Variants in LRRC70 observed in about 807,000 individuals in gnomAD.
LRRC70 encodes leucine rich repeat containing 70.
In LRRC70, 31 loss-of-function variants were observed where a neutral mutation model predicts 42.4. That is an observed-to-expected ratio of 0.73 (90% CI 0.55 to 0.99). LRRC70 has a LOEUF of 0.99. Ranked by LOEUF, LRRC70 falls within the 50% of genes least tolerant of loss-of-function variation. The pLI, the probability that LRRC70 is intolerant of heterozygous loss-of-function variation, is 0.00. For missense variants in LRRC70, 643 were observed against 707.5 expected (o/e 0.91, Z 1.03); for synonymous variants, 270 against 262.9 (o/e 1.03, Z -0.26).
Position 62,580,049 on chromosome 5 carries a change from A to C in LRRC70, c.611A>C (p.Glu204Ala). The change falls in exon 2 of 2, where the codon GAA (glutamate) becomes GCA (alanine). Residue 204 changes from glutamate to alanine, a missense_variant. Transcript: ENST00000334994. ...RISESGFQHL[E>A]NLACLYLGSN... is the part of the protein sequence containing the mutation. ...TCAGAATCAGGCTTTCAACATCTTG[A>C]AAACCTTGCTTGTTTGTATTTAGGA... is the stretch of plus-strand genomic sequence containing the variant. The C allele has an allele frequency of 1.3e-6, 2 of 1,551,236 alleles. No homozygotes were observed. Among genetic ancestry groups the C allele is most frequent in the Non-Finnish European group, 1.7e-6 (2 of 1,146,726 alleles).
In LRRC70 at chr5:62,580,935, C is replaced by T. The variant is rs1174231181; in HGVS notation, c.1497C>T (p.Asn499=). ...CTGTTACCTTGAACTTGGAAAAAAA[C>T]AGTGCTCTACCGAATGATGCTGCTT... ...TTSVTLNLEK[N]SALPNDAASM... The change falls in exon 2 of 2, where the codon AAC becomes AAT. Residue 499 remains asparagine (N), a synonymous_variant. Coordinates refer to ENST00000334994, the MANE Select transcript of LRRC70 (RefSeq NM_181506.5). 6.4e-7 allele frequency: 1 copy of T among 1,551,288 alleles called. No homozygotes were observed. Among genetic ancestry groups the T allele is most frequent in the Non-Finnish European group, 8.7e-7 (1 of 1,146,802 alleles).
At position 62,580,460 on chromosome 5, in the gene LRRC70, A is replaced by G. The variant is rs1458070069; in HGVS notation, c.1022A>G (p.His341Arg). The stretch of plus-strand genomic sequence containing the variant: ...TCATTTAATAATCTTACAGCCTTGC[A>G]TCCAAGGGTCCTTAAGCCGTTGTCT... ...NLSFNNLTALHPRVLKPLSSL... is the reference protein window; with the variant it reads ...NLSFNNLTALRPRVLKPLSSL... The change falls in exon 2 of 2, where the codon CAT becomes CGT. Residue 341 changes from histidine (H) to arginine (R), a missense_variant. Coordinates refer to ENST00000334994, the MANE Select transcript of LRRC70 (RefSeq NM_181506.5). The G allele has an allele frequency of 1.3e-6, 2 of 1,551,450 alleles. No homozygotes were observed. Among genetic ancestry groups the G allele is most frequent in the Non-Finnish European group, 1.7e-6 (2 of 1,146,826 alleles).
chr5:62,580,300 T>G lies in LRRC70; in HGVS notation c.862T>G (p.Leu288Val), dbSNP rs1007159621. Reference protein sequence around the residue: ...LKHLILSHNDLENLNSDTFSL... With the variant: ...LKHLILSHNDVENLNSDTFSL... ...ACATTTGATCTTAAGTCATAATGAT[T>G]TAGAGAATTTAAATTCTGACACATT... The change falls in exon 2 of 2, where the codon TTA becomes GTA. Residue 288 changes from leucine to valine, a missense_variant. Physicochemically the swap from Leu to Val is conservative, Grantham distance 32. Coordinates refer to ENST00000334994, the MANE Select transcript of LRRC70 (RefSeq NM_181506.5). The G allele has an allele frequency of 6.5e-7, 1 of 1,538,476 alleles. No homozygotes were observed. Among genetic ancestry groups the G allele is most frequent in the Non-Finnish European group, 8.8e-7 (1 of 1,135,166 alleles).
Position 62,579,595 on chromosome 5 carries a change from A to T in LRRC70, c.157A>T (p.Ser53Cys). Residue 53 changes from serine (S) to cysteine (C), a missense_variant, in exon 2 of 2, where the codon AGT becomes TGT. Coordinates refer to ENST00000334994, the MANE Select transcript of LRRC70 (RefSeq NM_181506.5). Reference sequence around the variant, plus strand: ...TAACTGCCGTAACTTAGGCCTTTCGAGTATTCCTAAGAATTTTCCTGAAAG... The same window carrying T: ...TAACTGCCGTAACTTAGGCCTTTCGTGTATTCCTAAGAATTTTCCTGAAAG... ...QINCRNLGLS[S>C]IPKNFPESTV... is the part of the protein sequence containing the mutation. The T allele has an allele frequency of 6.4e-7, 1 of 1,551,104 alleles. No individual in the cohort carries two copies. Among genetic ancestry groups the T allele is most frequent in the African/African-American group, 1.4e-5 (1 of 73,130 alleles).
In LRRC70 at chr5:62,581,277, G is replaced by A. The variant is rs892362508; in HGVS notation, c.1839G>A (p.Gln613=). The change falls in exon 2 of 2, where the codon CAG becomes CAA. Residue 613 remains glutamine, a synonymous_variant. Coordinates refer to ENST00000334994, the MANE Select transcript of LRRC70 (RefSeq NM_181506.5). Reference sequence around the variant, plus strand: ...AAATTGTTCCTGAAAATGAGGCACAGGTCATTCTTTTTGAACATTCTGCTT... The same window carrying A: ...AAATTGTTCCTGAAAATGAGGCACAAGTCATTCTTTTTGAACATTCTGCTT... ...HKQIVPENEA[Q]VILFEHSAL is the part of the protein sequence containing the mutation. The A allele has an allele frequency of 1.3e-6, 2 of 1,529,488 alleles. No homozygotes were observed. Among genetic ancestry groups the A allele is most frequent in the Non-Finnish European group, 1.8e-6 (2 of 1,140,630 alleles). 94.7% of individuals were successfully genotyped at this position (1,529,488 alleles called of 1,614,324 possible).
Position 62,580,200 on chromosome 5 carries a change from G to A in LRRC70, c.762G>A (p.Leu254=). 6.4e-7 allele frequency: 1 copy of A among 1,550,992 alleles called. No individual in the cohort carries two copies. The highest frequency in any genetic ancestry group is 2.4e-5 in the East Asian group (1 of 40,888). ...QPFAFKGLAN[L]EYLLLKNSRI... is the part of the protein sequence containing the mutation. ...TTGCATTTAAAGGACTTGCCAATCT[G>A]GAATACCTCCTCCTGAAAAATTCAA... Residue 254 remains leucine, a synonymous_variant, in exon 2 of 2, where the codon CTG becomes CTA. Coordinates refer to ENST00000334994, the MANE Select transcript of LRRC70 (RefSeq NM_181506.5).
Position 62,580,546 on chromosome 5 carries a change from C to G in LRRC70, c.1108C>G (p.Leu370Val). ...GGAATGTAACTGCAAACTTTTGGGC[C>G]TTCGAGACTGGCTAGCATCTTCAGC... ...PWECNCKLLG[L>V]RDWLASSAIT... The change falls in exon 2 of 2, where the codon CTT (leucine) becomes GTT (valine). Residue 370 changes from leucine (L) to valine (V), a missense_variant. Physicochemically the swap from Leu to Val is conservative, Grantham distance 32. Transcript: ENST00000334994. The G allele has an allele frequency of 6.4e-7, 1 of 1,551,444 alleles. No individual in the cohort carries two copies. The highest frequency in any genetic ancestry group is 8.7e-7 in the Non-Finnish European group (1 of 1,146,830).
In LRRC70 at chr5:62,579,545, G is replaced by A; in HGVS notation, c.107G>A (p.Cys36Tyr). 6.4e-7 allele frequency: 1 copy of A among 1,551,068 alleles called. No individual in the cohort carries two copies. Among genetic ancestry groups the A allele is most frequent in the Non-Finnish European group, 8.7e-7 (1 of 1,146,582 alleles). Residue 36 changes from cysteine (C) to tyrosine (Y), a missense_variant, in exon 2 of 2, where the codon TGT (cysteine) becomes TAT (tyrosine). Coordinates refer to ENST00000334994, the MANE Select transcript of LRRC70 (RefSeq NM_181506.5). ...HKEILGCSSV[C>Y]QLCTGRQINC... ...GAAATACTTGGATGTTCGTCTGTTTGTCAGCTCTGCACTGGGAGACAAATT... is the reference window on the plus strand; with the variant it reads ...GAAATACTTGGATGTTCGTCTGTTTATCAGCTCTGCACTGGGAGACAAATT...
Position 62,580,573 on chromosome 5 carries a change from A to C in LRRC70, c.1135A>C (p.Ile379Leu). ...GLRDWLASSA[I>L]TLNIYCQNPP... ...TCGAGACTGGCTAGCATCTTCAGCC[A>C]TTACTCTAAACATCTATTGTCAGAA... The change falls in exon 2 of 2, where the codon ATT (isoleucine) becomes CTT (leucine). Residue 379 changes from isoleucine (I) to leucine (L), a missense_variant. Transcript: ENST00000334994. 1 of 1,551,478 alleles carries C rather than the reference A, an allele frequency of 6.4e-7. No homozygotes were observed. The highest frequency in any genetic ancestry group is 8.7e-7 in the Non-Finnish European group (1 of 1,146,820).
At position 62,580,953 on chromosome 5, in the gene LRRC70, T is replaced by A; in HGVS notation, c.1515T>A (p.Asp505Glu). 1 of 1,551,320 alleles carries A rather than the reference T, an allele frequency of 6.4e-7. No individual in the cohort carries two copies. The highest frequency in any genetic ancestry group is 8.7e-7 in the Non-Finnish European group (1 of 1,146,810). Residue 505 changes from aspartate (D) to glutamate (E), a missense_variant, in exon 2 of 2, where the codon GAT becomes GAA. Asp to Glu is a conservative substitution (Grantham distance 45). Coordinates refer to ENST00000334994, the MANE Select transcript of LRRC70 (RefSeq NM_181506.5). Reference protein sequence around the residue: ...NLEKNSALPNDAASMSGKTSL... With the variant: ...NLEKNSALPNEAASMSGKTSL... Reference sequence around the variant, plus strand: ...AAAAAAACAGTGCTCTACCGAATGATGCTGCTTCAATGTCAGGGAAAACAT... The same window carrying A: ...AAAAAAACAGTGCTCTACCGAATGAAGCTGCTTCAATGTCAGGGAAAACAT...
At position 62,581,320 on chromosome 5, in the gene LRRC70, T is replaced by C. The variant is rs1744552578; in HGVS notation, c.*13T>C. The C allele has an allele frequency of 6.7e-7, 1 of 1,485,536 alleles. No homozygotes were observed. 92.0% of individuals were successfully genotyped at this position (1,485,536 alleles called of 1,614,324 possible). On this transcript the variant is annotated 3_prime_UTR_variant, in exon 2 of 2. Transcript: ENST00000334994. ...TTCTGCTTTATAACTCAACTAAATA[T>C]TGTCTATAAGAAACTTCAGTGCCAT... is the stretch of plus-strand genomic sequence containing the variant.
Position 62,579,791 on chromosome 5 carries a change from A to T in LRRC70, c.353A>T (p.Asn118Ile). The T allele has an allele frequency of 6.5e-7, 1 of 1,543,642 alleles. No homozygotes were observed. The highest frequency in any genetic ancestry group is 8.8e-7 in the Non-Finnish European group (1 of 1,141,954). ...CTATATTTTCTATTTCTAAATAATA[A>T]TTTCATCAAACGCTTAGATCCTGGA... ...RHLYFLFLNNNFIKRLDPGIF... is the reference protein window; with the variant it reads ...RHLYFLFLNNIFIKRLDPGIF... Residue 118 changes from asparagine to isoleucine, a missense_variant, in exon 2 of 2, where the codon AAT (asparagine) becomes ATT (isoleucine). Coordinates refer to ENST00000334994, the MANE Select transcript of LRRC70 (RefSeq NM_181506.5).
In LRRC70 at chr5:62,579,659, A is replaced by C; in HGVS notation, c.221A>C (p.Tyr74Ser). 1 of 1,546,716 alleles carries C rather than the reference A, an allele frequency of 6.5e-7. No homozygotes were observed. The highest frequency in any genetic ancestry group is 8.7e-7 in the Non-Finnish European group (1 of 1,144,564). The change falls in exon 2 of 2, where the codon TAT becomes TCT. Residue 74 changes from tyrosine to serine, a missense_variant. Transcript: ENST00000334994. ...TATCTGACTGGGAATAATATATCTTATATAAATGAAAGTGAATTAACAGGA... is the reference window on the plus strand; with the variant it reads ...TATCTGACTGGGAATAATATATCTTCTATAAATGAAAGTGAATTAACAGGA... ...FLYLTGNNIS[Y>S]INESELTGLH...
chr5:62,581,376 T>C lies in LRRC70; in HGVS notation c.*69T>C. 1 of 1,136,944 alleles carries C rather than the reference T, an allele frequency of 8.8e-7. No homozygotes were observed. Among genetic ancestry groups the C allele is most frequent in the Non-Finnish European group, 1.2e-6 (1 of 826,204 alleles). The allele number at this position is 1,136,944 out of a possible 1,614,324, so 70.4% of individuals were successfully genotyped here. ...TGATTTAAACTGAAACCTCCTTATA[T>C]AATTATATACTTTAGTTGGAAATAT... On this transcript the variant is annotated 3_prime_UTR_variant, in exon 2 of 2. Coordinates refer to ENST00000334994, the MANE Select transcript of LRRC70 (RefSeq NM_181506.5).
Position 62,579,946 on chromosome 5 carries a change from G to C in LRRC70, c.508G>C (p.Val170Leu). Residue 170 changes from valine to leucine, a missense_variant, in exon 2 of 2, where the codon GTC becomes CTC. Val to Leu is a conservative substitution (Grantham distance 32). Coordinates refer to ENST00000334994, the MANE Select transcript of LRRC70 (RefSeq NM_181506.5). ...YLNLQRNRLT[V>L]LGSGTFVGMV... The stretch of plus-strand genomic sequence containing the variant: ...AAATCTACAAAGGAATCGCCTCACT[G>C]TCCTTGGGAGTGGTACCTTTGTTGG... 1 of 1,551,238 alleles carries C rather than the reference G, an allele frequency of 6.4e-7. No homozygotes were observed.
In LRRC70 at chr5:62,581,063, T is replaced by C. The variant is rs1020586130; in HGVS notation, c.1625T>C (p.Ile542Thr). ...LAFFILACVLIIFLIYKVVQF... is the reference protein window; with the variant it reads ...LAFFILACVLTIFLIYKVVQF... ...TTTTTCATCTTAGCTTGTGTTTTAA[T>C]CATTTTTTTGATCTACAAAGTTGTT... is the stretch of plus-strand genomic sequence containing the variant. The change falls in exon 2 of 2, where the codon ATC (isoleucine) becomes ACC (threonine). Residue 542 changes from isoleucine to threonine, a missense_variant. Transcript: ENST00000334994. The C allele has an allele frequency of 3.2e-5, 50 of 1,549,848 alleles. No individual in the cohort carries two copies. The Admixed American group carries it at 8.1e-4, about 25-fold the overall frequency.
In LRRC70 at chr5:62,578,952, A is replaced by C. The variant is rs1448167553; in HGVS notation, c.-39+17A>C. On this transcript the variant is annotated intron_variant, in intron 1 of 1. Transcript: ENST00000334994. ...CTTTTCTTGGTAAGATTATTTACTTAAATATGAACTTCTAGCTGACATGAA... is the reference window on the plus strand; with the variant it reads ...CTTTTCTTGGTAAGATTATTTACTTCAATATGAACTTCTAGCTGACATGAA... 4.0e-6 allele frequency: 1 copy of C among 247,900 alleles called. No homozygotes were observed. Among genetic ancestry groups the C allele is most frequent in the Non-Finnish European group, 8.1e-6 (1 of 124,052 alleles). 15.4% of individuals were successfully genotyped at this position (247,900 alleles called of 1,614,324 possible).
Position 62,581,169 on chromosome 5 carries a change from G to T in LRRC70, c.1731G>T (p.Arg577Ser). 6.4e-7 allele frequency: 1 copy of T among 1,551,144 alleles called. No individual in the cohort carries two copies. The highest frequency in any genetic ancestry group is 8.7e-7 in the Non-Finnish European group (1 of 1,146,734). ...ACTACAGCTTTTATCAGTCAGCAAGGTATAATGTAACTGCCTCAATTTGTA... is the reference window on the plus strand; with the variant it reads ...ACTACAGCTTTTATCAGTCAGCAAGTTATAATGTAACTGCCTCAATTTGTA... Reference protein sequence around the residue: ...LEYYSFYQSARYNVTASICNT... With the variant: ...LEYYSFYQSASYNVTASICNT... The change falls in exon 2 of 2, where the codon AGG (arginine) becomes AGT (serine). Residue 577 changes from arginine to serine, a missense_variant. Physicochemically the swap from Arg to Ser is moderately radical, Grantham distance 110 (BLOSUM62 -1). Transcript: ENST00000334994.
chr5:62,579,493 TG>T lies in LRRC70; in HGVS notation c.56del (p.Cys19PhefsTer31). On this transcript the variant is annotated frameshift_variant, in exon 2 of 2. Coordinates refer to ENST00000334994, the MANE Select transcript of LRRC70 (RefSeq NM_181506.5). LOFTEE classifies it high-confidence loss of function. ...CCTACGACTGTTTCTGGTTGTTACC[TG>T]TTATCTTTTATTATTACTCCACAAA... ...PCLRLFLVVT[C>X]YLLLLLHKEI... 1 of 1,550,940 alleles carries T rather than the reference TG, an allele frequency of 6.4e-7. No individual in the cohort carries two copies. Among genetic ancestry groups the T allele is most frequent in the Non-Finnish European group, 8.7e-7 (1 of 1,146,476 alleles).
Sources: allele counts gnomAD v4.1 joint callset, GRCh38; gene constraint gnomAD v4.1.1; transcripts MANE v1.5; gene names NCBI Gene and HGNC (gene_info 2026-07-23, HGNC 2026-07-21).